TMEM150C: variants seen among roughly 807,000 people sequenced by gnomAD.
TMEM150C encodes the protein transmembrane protein 150C.
In TMEM150C, 10 loss-of-function variants were observed where a neutral mutation model predicts 29.9. The observed-to-expected ratio is 0.33, with a 90% CI of 0.21 to 0.57. TMEM150C has a LOEUF of 0.57. Ranked by LOEUF, TMEM150C falls within the 20% of genes least tolerant of loss-of-function variation. The pLI, the probability that TMEM150C is intolerant of heterozygous loss-of-function variation, is 0.88. For synonymous variants in TMEM150C, 101 were observed against 112.5 expected (o/e 0.90, Z 0.64); for missense variants, 251 against 303.6 (o/e 0.83, Z 1.29).
chr4:82,536,337 A>G (rs1299343932), intron 1 of TMEM150C, among the ~76,000 whole-genome samples: 1 of 148,760 alleles, frequency 6.7e-6, no homozygotes, highest in Admixed American at 6.7e-5. Flanking sequence ...CAGCCTGGCA[A>G]CAGAGCGAGA....
intron 6 of TMEM150C, among the ~76,000 whole-genome samples, chr4:82,492,127 T>C (rs2110063490): frequency 6.6e-6 from 1 of 151,088 alleles, no homozygotes; most frequent in South Asian, 2.1e-4. Context: ...TTTGTTGTTG[T>C]TGTTGTTGTT....
At position 82,502,723 on chromosome 4, in the gene TMEM150C, T is replaced by C; in HGVS notation, c.235+4A>G. 14 of 1,607,764 alleles carry C rather than the reference T, an allele frequency of 8.7e-6. No homozygotes were observed. The highest frequency in any genetic ancestry group is 1.2e-5 in the Non-Finnish European group (14 of 1,176,792). On this transcript the variant is annotated splice_donor_region_variant and intron_variant, in intron 5 of 7. Coordinates refer to ENST00000449862, the MANE Select transcript of TMEM150C (RefSeq NM_001080506.3). The stretch of plus-strand genomic sequence containing the variant: ...ACATAAAGCGTTCTTTACCCTCTTC[T>C]TACCTAGGAAGGCTGCCATGTTCAT...
intron 1 of TMEM150C, among the ~76,000 whole-genome samples, chr4:82,516,311 G>C (rs545783600): frequency 6.6e-6 from 1 of 152,192 alleles, no homozygotes; most frequent in East Asian, 1.9e-4. Flanking sequence ...TGTTATACCA[G>C]GGTGATAGTC....
chr4:82,507,727 C>CCTTTTTTTTTTTTTT (rs1723980995), intron 1 of TMEM150C, among the ~76,000 whole-genome samples: 1 of 20,588 alleles, frequency 4.9e-5, no homozygotes, highest in Non-Finnish European at 7.4e-5. Flanking sequence ...CTCTCTCTCT[C>CCTTTTTTTTTTTTTT]TTTTTTTTTT....
intron 6 of TMEM150C, chr4:82,495,661 G>A: frequency 3.4e-6 from 1 of 297,786 alleles, no homozygotes; most frequent in Non-Finnish European, 6.7e-6. Context: ...AGGCAGGCGG[G>A]CATGGCCATG....
intron 1 of TMEM150C, among the ~76,000 whole-genome samples, chr4:82,542,308 G>A (rs1725225321): frequency 1.3e-5 from 2 of 152,226 alleles, no homozygotes; most frequent in Non-Finnish European, 2.9e-5. Flanking sequence ...GAAAACAGAA[G>A]AAGACAGGAC....
chr4:82,491,936 GT>G (rs375594585), intron 6 of TMEM150C, among the ~76,000 whole-genome samples: 32,964 of 141,986 alleles, frequency 0.23, 5,423 homozygotes, highest in African/African-American at 0.46. Context: ...ACTAATTCTT[GT>G]TTTTTTTTTT....
intron 7 of TMEM150C, among the ~76,000 whole-genome samples, chr4:82,486,889 C>A (rs1352503834): frequency 1.3e-5 from 2 of 152,216 alleles, no homozygotes; most frequent in African/African-American, 2.4e-5. Context: ...GTAAAAAGTT[C>A]ATAGCAGCTT....
In TMEM150C at chr4:82,486,217, C is replaced by T. The variant is rs567596328; in HGVS notation, c.542-498G>A. On this transcript the variant is annotated intron_variant, in intron 7 of 7. Coordinates refer to ENST00000449862, the MANE Select transcript of TMEM150C (RefSeq NM_001080506.3). ...CTGGGAGATTAGGAAAAGGATTACA[C>T]TTCCAAAGTAATTAGTTTGCCAGAA... is the stretch of plus-strand genomic sequence containing the variant. 2.0e-5 allele frequency among the ~76,000 whole-genome samples: 3 copies of T among 151,408 alleles called. No homozygotes were observed. In the East Asian group the frequency reaches 5.9e-4, roughly 30 times the overall value.
intron 6 of TMEM150C, among the ~76,000 whole-genome samples, chr4:82,494,173 C>T (rs1414567855): frequency 6.6e-6 from 1 of 152,052 alleles, no homozygotes; most frequent in African/African-American, 2.4e-5. Context: ...TCAGTGTTTG[C>T]CCTCAAGGAG....
upstream of TMEM150C, chr4:82,562,126 G>A (rs1386213133): frequency 7.9e-7 from 1 of 1,264,972 alleles, no homozygotes; most frequent in African/African-American, 1.6e-5. Context: ...CCTGGGTCTC[G>A]GGCTTCTGCC....
intron 5 of TMEM150C, among the ~76,000 whole-genome samples, chr4:82,502,104 G>A (rs1309468929): frequency 6.6e-6 from 1 of 152,174 alleles, no homozygotes; most frequent in Non-Finnish European, 1.5e-5. Context: ...ATCTCTGGAG[G>A]ACTATGCAGG....
In TMEM150C at chr4:82,503,072, T is replaced by G; in HGVS notation, c.121A>C (p.Asn41His). Residue 41 changes from asparagine to histidine, a missense_variant, in exon 3 of 8, where the codon AAT becomes CAT. Physicochemically the swap from Asn to His is moderately conservative, Grantham distance 68. Transcript: ENST00000449862. ...GATAAACTTTACCTTTCAGCTGAAT[T>G]TAATGGTAAAATTTTGTCATCTTCC... ...AVEDDKILPL[N>H]SAERKPGVKH... 1 of 1,612,884 alleles carries G rather than the reference T, an allele frequency of 6.2e-7. No individual in the cohort carries two copies. The highest frequency in any genetic ancestry group is 8.5e-7 in the Non-Finnish European group (1 of 1,179,486).
intron 1 of TMEM150C, among the ~76,000 whole-genome samples, chr4:82,535,930 C>A (rs1028031876): frequency 1.3e-5 from 2 of 152,006 alleles, no homozygotes; most frequent in Non-Finnish European, 2.9e-5. Context: ...TATGTAGCAC[C>A]CCCCTCCCTG....
At chr4:82,561,593 G>T (rs191891506) in intron 1 of TMEM150C, among the ~76,000 whole-genome samples, 1 of 149,860 alleles carries the variant, frequency 6.7e-6, no homozygotes, top group Non-Finnish European at 1.5e-5. Flanking sequence ...GCTGGCTGGC[G>T]GCACTGCGGC....
intron 1 of TMEM150C, among the ~76,000 whole-genome samples, chr4:82,540,108 C>T (rs1725148767): frequency 8.9e-6 from 1 of 112,774 alleles, no homozygotes; most frequent in African/African-American, 3.0e-5. Context: ...AATGTTTCTA[C>T]CTATTCTTTT....
chr4:82,516,875 T>C (rs377599803), intron 1 of TMEM150C, among the ~76,000 whole-genome samples: 23 of 152,352 alleles, frequency 1.5e-4, no homozygotes, highest in African/African-American at 5.5e-4. Context: ...TACCAGATCA[T>C]AGGTTTCTTG....
chr4:82,486,335 T>TAAA lies in TMEM150C; in HGVS notation c.542-619_542-617dup, dbSNP rs527967958. On this transcript the variant is annotated intron_variant, in intron 7 of 7. Coordinates refer to ENST00000449862, the MANE Select transcript of TMEM150C (RefSeq NM_001080506.3). ...TGGTGGACAGAGCGAGACTCCATCT[T>TAAA]AAAAAAAAAAAAAAAAAAAAAAAAA... is the stretch of plus-strand genomic sequence containing the variant. Among the ~76,000 whole-genome samples, 54 of 51,292 alleles carry TAAA rather than the reference T, an allele frequency of 1.1e-3. 3 individuals are homozygous for TAAA. Among genetic ancestry groups the TAAA allele is most frequent in the Middle Eastern group, 0.014 (1 of 74 alleles). 33.6% of individuals were successfully genotyped at this position (51,292 alleles called of 152,430 possible). A position where few individuals can be genotyped will look rare whatever the true frequency, so the allele number is the denominator to read the frequency against.
chr4:82,535,581 T>C (rs1336209828), intron 1 of TMEM150C, among the ~76,000 whole-genome samples: 1 of 152,150 alleles, frequency 6.6e-6, no homozygotes, highest in Non-Finnish European at 1.5e-5. Flanking sequence ...CCAGTCAGGA[T>C]GTGTGGCCCA....
Sources: allele counts gnomAD v4.1 joint callset (sites outside exome capture counted in the v4.1 genomes callset), GRCh38; gene constraint gnomAD v4.1.1; transcripts MANE v1.5; gene names NCBI Gene and HGNC (gene_info 2026-07-23, HGNC 2026-07-21).